PCARE: variants seen among roughly 807,000 people sequenced by gnomAD.
PCARE encodes uncharacterized protein C2orf71.
A neutral mutation model predicts 82.2 loss-of-function variants in PCARE; 72 were observed. That is an observed-to-expected ratio of 0.88 (90% CI 0.72 to 1.07). The LOEUF (loss-of-function observed/expected upper bound fraction) is 1.07, where lower values mean the gene tolerates loss of function less well. Ranked by LOEUF, PCARE falls within the 50% of genes least tolerant of loss-of-function variation. PCARE has a pLI of 0.00. For synonymous variants in PCARE, 705 were observed against 634.8 expected, an observed-to-expected ratio of 1.11 and a Z score of -1.66; for missense variants, 1,768 against 1,592.4, an observed-to-expected ratio of 1.11 and a Z score of -1.88.
rs1243647326 is a variant in PCARE at position 29,063,818 on chromosome 2, C to A, written c.*1051G>T. Reference sequence around the variant, plus strand: ...GAACAACTGTTTTTCACTTTGATTTCGACTCCAGCAGAAGTTCTGCAAGAT... The same window carrying A: ...GAACAACTGTTTTTCACTTTGATTTAGACTCCAGCAGAAGTTCTGCAAGAT... On this transcript the variant is annotated 3_prime_UTR_variant, in exon 2 of 2. Transcript: ENST00000331664. 1 of 152,360 alleles carries A rather than the reference C, an allele frequency of 6.6e-6. No individual in the cohort carries two copies. 9.4% of individuals were successfully genotyped at this position (152,360 alleles called of 1,614,324 possible).
Position 29,072,831 on chromosome 2 carries a change from G to T in PCARE, c.1431C>A (p.Asp477Glu), listed in dbSNP as rs369775812. Reference sequence around the variant, plus strand: ...CCTCGCTGTCACTAAGAGATGAAGCGTCCATCGGCCTGGAGGTTTTGGAAA... The same window carrying T: ...CCTCGCTGTCACTAAGAGATGAAGCTTCCATCGGCCTGGAGGTTTTGGAAA... Reference protein sequence around the residue: ...PHLSKTSRPMDASSLSDSEDS... With the variant: ...PHLSKTSRPMEASSLSDSEDS... Residue 477 changes from aspartate (D) to glutamate (E), a missense_variant, in exon 1 of 2, where the codon GAC becomes GAA. Physicochemically the swap from Asp to Glu is conservative, Grantham distance 45. Transcript: ENST00000331664. 1 of 1,614,158 alleles carries T rather than the reference G, an allele frequency of 6.2e-7. No homozygotes were observed. The highest frequency in any genetic ancestry group is 8.5e-7 in the Non-Finnish European group (1 of 1,180,038).
chr2:29,065,484 G>T (rs1235504037), intron 1 of PCARE, among the ~76,000 whole-genome samples: 3 of 152,266 alleles, frequency 2.0e-5, no homozygotes, highest in African/African-American at 7.2e-5. Context: ...TCGCTCAGCT[G>T]CCACCCTTTT....
At position 29,072,672 on chromosome 2, in the gene PCARE, C is replaced by T. The variant is rs370401256; in HGVS notation, c.1590G>A (p.Arg530=). The part of the protein sequence containing the change: ...DRESPFQART[R]RLRSLQAQEM... Reference sequence around the variant, plus strand: ...CCTGGGCCTGGAGGCTCCTAAGCCTCCTGGTGCGGGCCTGAAATGGGCTTT... The same window carrying T: ...CCTGGGCCTGGAGGCTCCTAAGCCTTCTGGTGCGGGCCTGAAATGGGCTTT... Residue 530 remains arginine (R), a synonymous_variant, in exon 1 of 2, where the codon AGG becomes AGA. Transcript: ENST00000331664. 1.9e-6 allele frequency: 3 copies of T among 1,613,916 alleles called. No homozygotes were observed. Among genetic ancestry groups the T allele is most frequent in the African/African-American group, 2.7e-5 (2 of 74,916 alleles).
intron 1 of PCARE, among the ~76,000 whole-genome samples, chr2:29,066,120 T>C (rs551976073): frequency 1.2e-3 from 185 of 151,956 alleles, no homozygotes; most frequent in African/African-American, 4.1e-3. Flanking sequence ...AGCACTCCAG[T>C]CTGGGCAACA....
Position 29,071,112 on chromosome 2 carries a change from T to TG in PCARE, c.3149dup (p.Pro1051ThrfsTer56), listed in dbSNP as rs750501256. On this transcript the variant is annotated frameshift_variant, in exon 1 of 2. Transcript: ENST00000331664. LOFTEE classifies it high-confidence loss of function. ...GGTTGGGCAACTTGGGCTGGTGCGG[T>TG]GGGGAAGTTCGCCGCTTTGTGGTGG... The TG allele has an allele frequency of 2.1e-5, 33 of 1,575,048 alleles. No homozygotes were observed. The highest frequency in any genetic ancestry group is 2.1e-4 in the South Asian group (18 of 87,020).
rs1667514822 is a variant in PCARE at position 29,072,779 on chromosome 2, C to T, written c.1483G>A (p.Asp495Asn). The change falls in exon 1 of 2, where the codon GAC (aspartate) becomes AAC (asparagine). Residue 495 changes from aspartate (D) to asparagine (N), a missense_variant. Asp to Asn is a conservative substitution (Grantham distance 23). Transcript: ENST00000331664. ...CACAGACTCATGCTGCTCATTTTGT[C>T]TTCCTCCTCCTCCTCTGGGCTGCTG... ...EDSSPEEEEEDKMSSMSLCAW... is the reference protein window; with the variant it reads ...EDSSPEEEEENKMSSMSLCAW... The T allele has an allele frequency of 6.2e-7, 1 of 1,613,988 alleles. No homozygotes were observed. Among genetic ancestry groups the T allele is most frequent in the Admixed American group, 1.7e-5 (1 of 59,998 alleles).
Position 29,073,804 on chromosome 2 carries a change from G to C in PCARE, c.458C>G (p.Thr153Arg), listed in dbSNP as rs778162481. 4 of 1,614,166 alleles carry C rather than the reference G, an allele frequency of 2.5e-6. No individual in the cohort carries two copies. The highest frequency in any genetic ancestry group is 1.1e-5 in the South Asian group (1 of 91,084). The change falls in exon 1 of 2, where the codon ACG becomes AGG. Residue 153 changes from threonine (T) to arginine (R), a missense_variant. By Grantham distance (71) the Thr-to-Arg change is moderately conservative. Transcript: ENST00000331664. ...GTAGCAGTGGCTCTGTGTGCTTGAC[G>C]TGTGACATTTTGCTGTCCTTTTCCA... is the stretch of plus-strand genomic sequence containing the variant. Reference protein sequence around the residue: ...SKWKRTAKCHTSSTQSHCYQT... With the variant: ...SKWKRTAKCHRSSTQSHCYQT...
Position 29,071,363 on chromosome 2 carries a change from A to G in PCARE, c.2899T>C (p.Ser967Pro). 6.2e-7 allele frequency: 1 copy of G among 1,613,672 alleles called. No homozygotes were observed. The highest frequency in any genetic ancestry group is 2.2e-5 in the East Asian group (1 of 44,884). Residue 967 changes from serine (S) to proline (P), a missense_variant, in exon 1 of 2, where the codon TCT becomes CCT. Physicochemically the swap from Ser to Pro is moderately conservative, Grantham distance 74 (BLOSUM62 -1). Coordinates refer to ENST00000331664, the MANE Select transcript of PCARE (RefSeq NM_001029883.3). ...GACTCTGAGGTCCTGTTTTGTCCAG[A>G]TGGAGGGCCGGAGTGGTGCCAGGCG... ...AIAWHHSGPP[S>P]GQNRTSESSL...
chr2:29,072,288 A>G lies in PCARE; in HGVS notation c.1974T>C (p.Ser658=), dbSNP rs774259201. ...AVWPNGTCRV[S]PSNTTSRLKA... ...TGAGCCTGCTGGTGGTGTTGCTTGG[A>G]CTGACCCTGCAGGTGCCATTGGGCC... Residue 658 remains serine (S), a synonymous_variant, in exon 1 of 2, where the codon AGT becomes AGC. Coordinates refer to ENST00000331664, the MANE Select transcript of PCARE (RefSeq NM_001029883.3). 6.2e-7 allele frequency: 1 copy of G among 1,614,196 alleles called. No individual in the cohort carries two copies. Among genetic ancestry groups the G allele is most frequent in the Non-Finnish European group, 8.5e-7 (1 of 1,180,036 alleles).
rs1159493193 is a variant in PCARE at position 29,062,030 on chromosome 2, T to C, written c.*2839A>G. ...TAATTCACATGTAATTTGAGCTAAG[T>C]CTGGTAGTTGGTATGGTAGCCAAAA... On this transcript the variant is annotated 3_prime_UTR_variant, in exon 2 of 2. Coordinates refer to ENST00000331664, the MANE Select transcript of PCARE (RefSeq NM_001029883.3). The C allele has an allele frequency of 6.6e-6, 1 of 152,238 alleles. No individual in the cohort carries two copies. The highest frequency in any genetic ancestry group is 1.5e-5 in the Non-Finnish European group (1 of 68,054). The allele number at this position is 152,238 out of a possible 1,614,324, so 9.4% of individuals were successfully genotyped here.
chr2:29,068,397 G>A (rs902498503), intron 1 of PCARE, among the ~76,000 whole-genome samples: 1 of 152,182 alleles, frequency 6.6e-6, no homozygotes, highest in Non-Finnish European at 1.5e-5. Context: ...TCTGCAAAAC[G>A]TATCACTCTG....
rs763777403 is a variant in PCARE at position 29,072,709 on chromosome 2, G to C, written c.1553C>G (p.Pro518Arg). 1.9e-6 allele frequency: 3 copies of C among 1,614,118 alleles called. No homozygotes were observed. In the South Asian group the frequency reaches 3.3e-5, roughly 18 times the overall value. Reference sequence around the variant, plus strand: ...CTGAAATGGGCTTTCCCGGTCAGCAGGTGAAGATTGTGGCCTTGAATGTGG... The same window carrying C: ...CTGAAATGGGCTTTCCCGGTCAGCACGTGAAGATTGTGGCCTTGAATGTGG... Reference protein sequence around the residue: ...KTPHSRPQSSPADRESPFQAR... With the variant: ...KTPHSRPQSSRADRESPFQAR... The change falls in exon 1 of 2, where the codon CCT becomes CGT. Residue 518 changes from proline to arginine, a missense_variant. Physicochemically the swap from Pro to Arg is moderately radical, Grantham distance 103 (BLOSUM62 -2). Coordinates refer to ENST00000331664, the MANE Select transcript of PCARE (RefSeq NM_001029883.3).
At position 29,072,995 on chromosome 2, in the gene PCARE, G is replaced by A; in HGVS notation, c.1267C>T (p.Gln423Ter). ...CTTGCTTCGTCCTGTGCTCGTGGCTGAACCTTTGCCATAGGAGCCCCTGAG... is the reference window on the plus strand; with the variant it reads ...CTTGCTTCGTCCTGTGCTCGTGGCTAAACCTTTGCCATAGGAGCCCCTGAG... ...LLSGAPMAKV[Q>*]PRAQDEARSP... The change falls in exon 1 of 2, where the codon CAG becomes TAG. Residue 423 changes from glutamine (Q) to a stop codon, truncating the protein, a stop_gained. Transcript: ENST00000331664. LOFTEE classifies it high-confidence loss of function. The A allele has an allele frequency of 6.2e-7, 1 of 1,614,138 alleles. No individual in the cohort carries two copies.
rs886055914 is a variant in PCARE at position 29,063,352 on chromosome 2, C to T, written c.*1517G>A. On this transcript the variant is annotated 3_prime_UTR_variant, in exon 2 of 2. Coordinates refer to ENST00000331664, the MANE Select transcript of PCARE (RefSeq NM_001029883.3). ...TGCGAGCAGACAGCTGGGTGTGTCC[C>T]TTTCCAGCAGAGGGGTGGGTTGTGG... 12 of 152,322 alleles carry T rather than the reference C, an allele frequency of 7.9e-5. No individual in the cohort carries two copies. 9.4% of individuals were successfully genotyped at this position (152,322 alleles called of 1,614,324 possible). A position where few individuals can be genotyped will look rare whatever the true frequency, so the allele number is the denominator to read the frequency against.
chr2:29,072,841 C>T lies in PCARE; in HGVS notation c.1421G>A (p.Arg474Lys), dbSNP rs1290524943. ...SVEPHLSKTS[R>K]PMDASSLSDS... ...ACTAAGAGATGAAGCGTCCATCGGC[C>T]TGGAGGTTTTGGAAAGGTGTGGTTC... The change falls in exon 1 of 2, where the codon AGG becomes AAG. Residue 474 changes from arginine (R) to lysine (K), a missense_variant. Coordinates refer to ENST00000331664, the MANE Select transcript of PCARE (RefSeq NM_001029883.3). 1 of 1,614,168 alleles carries T rather than the reference C, an allele frequency of 6.2e-7. No homozygotes were observed. The highest frequency in any genetic ancestry group is 8.5e-7 in the Non-Finnish European group (1 of 1,180,030).
At position 29,062,457 on chromosome 2, in the gene PCARE, A is replaced by G. The variant is rs1454078235; in HGVS notation, c.*2412T>C. ...GCTGCCTGCAATATGGTGGGTGGGC[A>G]CTTCCTGCTGCTTGCCAGCCTAGCC... is the stretch of plus-strand genomic sequence containing the variant. On this transcript the variant is annotated 3_prime_UTR_variant, in exon 2 of 2. Coordinates refer to ENST00000331664, the MANE Select transcript of PCARE (RefSeq NM_001029883.3). 2.0e-5 allele frequency: 3 copies of G among 152,308 alleles called. No homozygotes were observed. The highest frequency in any genetic ancestry group is 4.8e-5 in the African/African-American group (2 of 41,450). The allele number at this position is 152,308 out of a possible 1,614,324, so 9.4% of individuals were successfully genotyped here.
At chr2:29,070,223 A>C (rs991520223) in intron 1 of PCARE, among the ~76,000 whole-genome samples, 2 of 152,104 alleles carry the variant, frequency 1.3e-5, no homozygotes, top group Non-Finnish European at 2.9e-5. Flanking sequence ...CCAGGTTTTA[A>C]GCCCCGCATG....
intron 1 of PCARE, 37 bp downstream of exon 1, chr2:29,070,557 A>G (rs1056974516): frequency 4.1e-5 from 66 of 1,613,246 alleles, no homozygotes; most frequent in Non-Finnish European, 5.4e-5. Context: ...CTCTAGTCCA[A>G]GCCGCTGAAG....
At chr2:29,070,539 C>T (rs1667453217) in intron 1 of PCARE, 55 bp downstream of exon 1, 10 of 1,609,060 alleles carry the variant, frequency 6.2e-6, no homozygotes, top group Non-Finnish European at 7.7e-6. Context: ...CCCATTCGCT[C>T]TGTTCCTCTC....
Sources: gnomAD v4.1 joint callset for allele counts (sites outside exome capture counted in the v4.1 genomes callset) on GRCh38, gnomAD v4.1.1 for gene constraint, MANE v1.5 for transcripts, NCBI Gene and HGNC (gene_info 2026-07-23, HGNC 2026-07-21) for gene names.